The following MYOCD variants were observed in gnomAD, a reference collection of about 807,000 sequenced individuals.
MYOCD encodes myocardin.
MYOCD carries 32 observed loss-of-function variants against 96.1 expected under a neutral mutation model. The ratio of observed to expected loss-of-function variants is 0.33; its 90% CI spans 0.25 to 0.45. MYOCD has a LOEUF of 0.45. Among genes scored for constraint, MYOCD ranks in the 20% least tolerant of loss-of-function variants. The pLI, the probability that MYOCD is intolerant of heterozygous loss-of-function variation, is 1.00. For missense variants in MYOCD, 1,133 were observed against 1,200.6 expected, an observed-to-expected ratio of 0.94 and a Z score of 0.83; for synonymous variants, 469 against 469.0, an observed-to-expected ratio of 1.00 and a Z score of 0.00.
intron 7 of MYOCD, among the ~76,000 whole-genome samples, chr17:12,743,929 A>G (rs1370484923): frequency 1.3e-5 from 2 of 152,118 alleles, no homozygotes; most frequent in Non-Finnish European, 2.9e-5. Context: ...AGAAAGGAAA[A>G]ACTCTGGAGC....
intron 1 of MYOCD, among the ~76,000 whole-genome samples, chr17:12,677,875 T>C (rs1278186045): frequency 2.6e-5 from 4 of 151,080 alleles, no homozygotes; most frequent in African/African-American, 7.3e-5. Context: ...GCCCAGCTAT[T>C]ATCATTTCTC....
intron 9 of MYOCD, among the ~76,000 whole-genome samples, chr17:12,750,561 T>C (rs1395710082): frequency 6.6e-6 from 1 of 151,994 alleles, no homozygotes; most frequent in Non-Finnish European, 1.5e-5. Flanking sequence ...TGGTGGTGCG[T>C]GCCTGTAATC....
intron 2 of MYOCD, among the ~76,000 whole-genome samples, chr17:12,713,817 G>A (rs1263735008): frequency 1.3e-5 from 2 of 152,160 alleles, no homozygotes; most frequent in East Asian, 3.8e-4. Flanking sequence ...CAAAGAAAAT[G>A]CATGCGCAAC....
At chr17:12,707,937 G>A (rs7222630) in intron 2 of MYOCD, among the ~76,000 whole-genome samples, 74,305 of 151,534 alleles carry the variant, frequency 0.49, 19,872 homozygotes, top group African/African-American at 0.72. Context: ...TAATTGTTAC[G>A]TCTTATGCAC....
At chr17:12,693,729 A>G (rs2030599664) in intron 1 of MYOCD, among the ~76,000 whole-genome samples, 1 of 151,954 alleles carries the variant, frequency 6.6e-6, no homozygotes, top group Non-Finnish European at 1.5e-5. Flanking sequence ...TTAGTCTAGA[A>G]TAAAATAAAT....
intron 5 of MYOCD, among the ~76,000 whole-genome samples, chr17:12,732,363 C>T (rs912988201): frequency 1.3e-5 from 2 of 152,120 alleles, no homozygotes; most frequent in East Asian, 1.9e-4. Flanking sequence ...CATTGTCAGA[C>T]GCGCCCCTCT....
intron 1 of MYOCD, among the ~76,000 whole-genome samples, chr17:12,680,059 G>C (rs776948477): frequency 8.5e-5 from 13 of 152,110 alleles, no homozygotes; most frequent in Non-Finnish European, 1.8e-4. Flanking sequence ...TGCTATAATA[G>C]AATAGTATAT....
intron 1 of MYOCD, among the ~76,000 whole-genome samples, chr17:12,676,235 G>A (rs1910030494): frequency 1.9e-5 from 2 of 104,604 alleles, no homozygotes; most frequent in South Asian, 7.4e-4. Context: ...CCCTCCCCCT[G>A]CGCGCGCACG....
Position 12,717,417 on chromosome 17 carries a change from C to T in MYOCD, c.249C>T (p.Leu83=), listed in dbSNP as rs1376028716. 21 of 1,612,938 alleles carry T rather than the reference C, an allele frequency of 1.3e-5. No individual in the cohort carries two copies. The East Asian group carries it at 4.7e-4, about 36-fold the overall frequency. ...NSADLVNMHI[L]QASTAERSIP... is the part of the protein sequence containing the mutation. Reference sequence around the variant, plus strand: ...CCGACTTGGTTAATATGCACATACTCCAAGGTAAGGCTGCAAGAAATCAGA... The same window carrying T: ...CCGACTTGGTTAATATGCACATACTTCAAGGTAAGGCTGCAAGAAATCAGA... The change falls in exon 4 of 14, where the codon CTC becomes CTT. Residue 83 remains leucine, a synonymous_variant. Transcript: ENST00000425538.
chr17:12,718,998 AC>A (rs148208500), intron 4 of MYOCD, among the ~76,000 whole-genome samples: 1,576 of 151,272 alleles, frequency 0.01, 32 homozygotes, highest in African/African-American at 0.036. Context: ...ACACCGTGAA[AC>A]CCCATCTCTA....
intron 9 of MYOCD, among the ~76,000 whole-genome samples, chr17:12,748,431 A>C (rs1212270213): frequency 1.3e-5 from 2 of 152,136 alleles, no homozygotes; most frequent in Non-Finnish European, 2.9e-5. Flanking sequence ...AGAAGAAACA[A>C]GATTGGGCAT....
chr17:12,699,237 GC>G (rs1347431908), intron 1 of MYOCD, among the ~76,000 whole-genome samples: 1 of 152,078 alleles, frequency 6.6e-6, no homozygotes, highest in Non-Finnish European at 1.5e-5. Context: ...TGATTCTCAT[GC>G]CTCAGCCTCC....
intron 8 of MYOCD, 130 bp downstream of exon 8, chr17:12,744,566 G>GA: frequency 7.6e-7 from 1 of 1,308,000 alleles, no homozygotes. Context: ...AGTATGTTTG[G>GA]AAGGTGACTC....
At chr17:12,676,245 G>GCACACACACACACACA (rs36211306) in intron 1 of MYOCD, among the ~76,000 whole-genome samples, 2 of 145,586 alleles carry the variant, frequency 1.4e-5, no homozygotes, top group African/African-American at 5.0e-5. Context: ...GCGCGCGCAC[G>GCACACACACACACACA]CACACACACA....
chr17:12,732,515 G>A (rs1402228292), intron 5 of MYOCD, among the ~76,000 whole-genome samples: 4 of 152,240 alleles, frequency 2.6e-5, no homozygotes, highest in East Asian at 1.9e-4. Context: ...AGTCTGGCCC[G>A]TGACAGATTC....
chr17:12,699,149 A>G (rs2030934357), intron 1 of MYOCD, among the ~76,000 whole-genome samples: 1 of 148,602 alleles, frequency 6.7e-6, no homozygotes, highest in Non-Finnish European at 1.5e-5. Context: ...TTTTTGAGAC[A>G]GGGTCTTGCT....
At chr17:12,669,134 T>C (rs1346958519) in intron 1 of MYOCD, among the ~76,000 whole-genome samples, 2 of 152,238 alleles carry the variant, frequency 1.3e-5, no homozygotes, top group Admixed American at 1.3e-4. Context: ...TTACAGTTTT[T>C]AATCTTCTCA....
At chr17:12,746,105 T>A (rs774838537) in intron 9 of MYOCD, 33 bp downstream of exon 9, 9 of 1,607,952 alleles carry the variant, frequency 5.6e-6, no homozygotes, top group Non-Finnish European at 7.6e-6. Context: ...CTTTCTTTTT[T>A]TAAACAAATA....
chr17:12,764,431 T>C lies in MYOCD; in HGVS notation c.*787T>C, dbSNP rs188336473. On this transcript the variant is annotated 3_prime_UTR_variant, in exon 14 of 14. Transcript: ENST00000425538. ...AGAACCCTGAAGAATGCAGACCTTC[T>C]TCCCCCGAAGGAGATGCCACAAGCT... The C allele has an allele frequency of 1.3e-5, 2 of 152,438 alleles. No homozygotes were observed. The highest frequency in any genetic ancestry group is 2.1e-4 in the South Asian group (1 of 4,824). The allele number at this position is 152,438 out of a possible 1,614,324, so 9.4% of individuals were successfully genotyped here.
Sources: allele counts gnomAD v4.1 joint callset (sites outside exome capture counted in the v4.1 genomes callset), GRCh38; gene constraint gnomAD v4.1.1; transcripts MANE v1.5; gene names NCBI Gene and HGNC (gene_info 2026-07-23, HGNC 2026-07-21).